Variants in VSNL1 observed in about 807,000 individuals in gnomAD.
VSNL1 encodes visinin-like protein 1.
Under a neutral mutation model 20.4 loss-of-function variants are expected in VSNL1, and 6 were observed. The ratio of observed to expected loss-of-function variants is 0.29; its 90% CI spans 0.16 to 0.58. The LOEUF (loss-of-function observed/expected upper bound fraction) is 0.58. Among genes scored for constraint, VSNL1 ranks in the 20% least tolerant of loss-of-function variants. The pLI, the probability that VSNL1 is intolerant of heterozygous loss-of-function variation, is 0.90. For missense variants in VSNL1, 100 were observed against 234.5 expected (o/e 0.43, Z 3.75); for synonymous variants, 93 against 86.4 (o/e 1.08, Z -0.42).
At chr2:17,562,138 T>C (rs963037242) in intron 1 of VSNL1, among the ~76,000 whole-genome samples, 1 of 152,154 alleles carries the variant, frequency 6.6e-6, no homozygotes, top group African/African-American at 2.4e-5. Context: ...GCCAACAACT[T>C]TTTCAAGCTC....
intron 1 of VSNL1, among the ~76,000 whole-genome samples, chr2:17,579,155 G>A (rs13417071): frequency 2.0e-5 from 3 of 149,550 alleles, no homozygotes; most frequent in Admixed American, 6.7e-5. Context: ...TCGCTCTGTC[G>A]CCCAAGCTGG....
intron 2 of VSNL1, among the ~76,000 whole-genome samples, chr2:17,625,756 A>C (rs925902064): frequency 2.0e-5 from 3 of 151,224 alleles, no homozygotes; most frequent in Non-Finnish European, 4.4e-5. Context: ...TCCTTCATGT[A>C]TTGAGGCAGG....
intron 2 of VSNL1, among the ~76,000 whole-genome samples, chr2:17,615,852 C>T (rs1665205113): frequency 6.6e-6 from 1 of 152,244 alleles, no homozygotes; most frequent in Non-Finnish European, 1.5e-5. Flanking sequence ...CACCCACCTT[C>T]AGAAGACTGA....
In VSNL1 at chr2:17,588,963, G is replaced by A. The variant is rs372779547; in HGVS notation, c.-5-3107G>A. Reference sequence around the variant, plus strand: ...AAGAGGCAAAAATAAATAAATAATAGTCCTCTCTCTCAAGAAACCATAATA... The same window carrying A: ...AAGAGGCAAAAATAAATAAATAATAATCCTCTCTCTCAAGAAACCATAATA... On this transcript the variant is annotated intron_variant, in intron 1 of 3. Coordinates refer to ENST00000295156, the MANE Select transcript of VSNL1 (RefSeq NM_003385.5). Among the ~76,000 whole-genome samples, 42 of 152,176 alleles carry A rather than the reference G, an allele frequency of 2.8e-4. No individual in the cohort carries two copies. The South Asian group carries it at 8.5e-3, about 31-fold the overall frequency.
intron 1 of VSNL1, among the ~76,000 whole-genome samples, chr2:17,587,983 A>G (rs765096322): frequency 7.9e-5 from 12 of 152,174 alleles, no homozygotes; most frequent in Non-Finnish European, 1.3e-4. Context: ...TTTCCTCCAC[A>G]AGGGCTCTAT....
intron 1 of VSNL1, among the ~76,000 whole-genome samples, chr2:17,542,732 C>T (rs1466912040): frequency 6.6e-6 from 1 of 152,032 alleles, no homozygotes; most frequent in Non-Finnish European, 1.5e-5. Flanking sequence ...GTTGACACTG[C>T]ATTGATAAAG....
At position 17,647,866 on chromosome 2, in the gene VSNL1, C is replaced by T. The variant is rs928330403; in HGVS notation, c.163-1544C>T. ...AGTCCATAGCACCCAAGACGAGGCC[C>T]GACATGAATAAGAACGCAGTGAATT... On this transcript the variant is annotated intron_variant, in intron 2 of 3. Transcript: ENST00000295156. 2.6e-5 allele frequency among the ~76,000 whole-genome samples: 4 copies of T among 151,692 alleles called. 1 individual carries two copies. The highest frequency in any genetic ancestry group is 4.2e-4 in the South Asian group (2 of 4,786).
At chr2:17,654,458 A>C (rs1666183003) in intron 3 of VSNL1, among the ~76,000 whole-genome samples, 1 of 152,116 alleles carries the variant, frequency 6.6e-6, no homozygotes. Context: ...CTTTTCCTAA[A>C]TCCCCAAGGC....
chr2:17,600,533 C>A (rs1195333920), intron 2 of VSNL1, among the ~76,000 whole-genome samples: 1 of 152,122 alleles, frequency 6.6e-6, no homozygotes, highest in Non-Finnish European at 1.5e-5. Context: ...ACATCTGATT[C>A]AAATAATTTT....
chr2:17,568,783 A>G (rs1664014806), intron 1 of VSNL1, among the ~76,000 whole-genome samples: 1 of 152,144 alleles, frequency 6.6e-6, no homozygotes, highest in East Asian at 1.9e-4. Context: ...TCTAATTTTT[A>G]TCCAGTTGAA....
intron 1 of VSNL1, among the ~76,000 whole-genome samples, chr2:17,573,416 G>A (rs1664126906): frequency 6.6e-6 from 1 of 151,768 alleles, no homozygotes; most frequent in Admixed American, 6.6e-5. Flanking sequence ...AAATTTGAAG[G>A]GTACAGGCTA....
At chr2:17,645,503 A>G (rs1665972485) in intron 2 of VSNL1, among the ~76,000 whole-genome samples, 2 of 152,162 alleles carry the variant, frequency 1.3e-5, no homozygotes, top group Non-Finnish European at 2.9e-5. Flanking sequence ...GAAATGTGTC[A>G]CTGGAGAGAG....
rs56810130 is a variant in VSNL1 at position 17,636,832 on chromosome 2, G to T, written c.163-12578G>T. On this transcript the variant is annotated intron_variant, in intron 2 of 3. Coordinates refer to ENST00000295156, the MANE Select transcript of VSNL1 (RefSeq NM_003385.5). ...TTATTGGACAGGGCTGCTCTCAAAG[G>T]TACTCACAGTAGGCTTTGTGTTTGG... Among the ~76,000 whole-genome samples, 1,285 of 152,170 alleles carry T rather than the reference G, an allele frequency of 8.4e-3. 19 individuals are homozygous for T. The highest frequency in any genetic ancestry group is 0.029 in the African/African-American group (1,206 of 41,500).
chr2:17,603,403 T>C (rs1275489980), intron 2 of VSNL1, among the ~76,000 whole-genome samples: 5 of 152,112 alleles, frequency 3.3e-5, no homozygotes, highest in African/African-American at 7.2e-5. Context: ...ACTAATCCCA[T>C]TCATGAGGGT....
chr2:17,549,892 C>G (rs564761186), intron 1 of VSNL1, among the ~76,000 whole-genome samples: 2 of 152,264 alleles, frequency 1.3e-5, no homozygotes, highest in Admixed American at 1.3e-4. Context: ...TTTAGAAAGA[C>G]AAAAGCTGAA....
At chr2:17,639,139 G>A (rs1414526523) in intron 2 of VSNL1, among the ~76,000 whole-genome samples, 3 of 152,192 alleles carry the variant, frequency 2.0e-5, no homozygotes, top group Admixed American at 2.0e-4. Flanking sequence ...TGCCCTTCAG[G>A]GGAGAGGGAG....
At chr2:17,579,714 T>TA (rs1664305671) in intron 1 of VSNL1, among the ~76,000 whole-genome samples, 1 of 152,138 alleles carries the variant, frequency 6.6e-6, no homozygotes, top group African/African-American at 2.4e-5. Flanking sequence ...CCAATGAACT[T>TA]ATCAAAGCAC....
At chr2:17,633,364 A>C (rs1329512497) in intron 2 of VSNL1, among the ~76,000 whole-genome samples, 2 of 150,940 alleles carry the variant, frequency 1.3e-5, no homozygotes, top group East Asian at 3.9e-4. Flanking sequence ...AAAAAAAAAA[A>C]AAAAAAAAGC....
At chr2:17,561,754 G>A (rs917803949) in intron 1 of VSNL1, among the ~76,000 whole-genome samples, 5 of 152,120 alleles carry the variant, frequency 3.3e-5, no homozygotes, top group African/African-American at 7.2e-5. Flanking sequence ...GTAGATCATC[G>A]GGGAGCGTGG....
Sources: allele counts gnomAD v4.1 joint callset (sites outside exome capture counted in the v4.1 genomes callset), GRCh38; gene constraint gnomAD v4.1.1; transcripts MANE v1.5; gene names NCBI Gene and HGNC (gene_info 2026-07-23, HGNC 2026-07-21).